Variants in ADGRB1 observed in about 807,000 individuals in gnomAD.
ADGRB1 encodes the protein adhesion G protein-coupled receptor B1.
ADGRB1 carries 36 observed loss-of-function variants against 175.7 expected under a neutral mutation model. The observed-to-expected ratio is 0.20, with a 90% confidence interval of 0.16 to 0.27. ADGRB1 has a LOEUF of 0.27. ADGRB1 is among the 10% of genes least tolerant of loss of function. The probability of loss-of-function intolerance (pLI) is 1.00; values close to 1 mark genes in which losing one functional copy is unlikely to be tolerated. For missense variants in ADGRB1, 1,731 were observed against 2,255.3 expected, an observed-to-expected ratio of 0.77 and a Z score of 4.71; for synonymous variants, 1,054 against 979.4, an observed-to-expected ratio of 1.08 and a Z score of -1.42.
chr8:142,542,135 G>C lies in ADGRB1; in HGVS notation c.3901G>C (p.Asp1301His). 2 of 1,613,212 alleles carry C rather than the reference G, an allele frequency of 1.2e-6. No homozygotes were observed. Among genetic ancestry groups the C allele is most frequent in the Non-Finnish European group, 8.5e-7 (1 of 1,179,712 alleles). Reference protein sequence around the residue: ...SPRYPGGPLPDFPNHSLTLKR... With the variant: ...SPRYPGGPLPHFPNHSLTLKR... ...CCGCTATCCCGGCGGGCCCCTGCCCGACTTCCCCAACCACTCACTGACCCT... is the reference window on the plus strand; with the variant it reads ...CCGCTATCCCGGCGGGCCCCTGCCCCACTTCCCCAACCACTCACTGACCCT... The change falls in exon 28 of 31, where the codon GAC (aspartate) becomes CAC (histidine). Residue 1301 changes from aspartate to histidine, a missense_variant. This residue lies in a region of ADGRB1 where 394 missense variants were observed against 410.2 expected (regional missense o/e 0.96). Coordinates refer to ENST00000517894, the MANE Select transcript of ADGRB1 (RefSeq NM_001702.3). The surrounding 1 kb of genome is among the most constrained non-coding windows in gnomAD (Gnocchi z 6.3).
intron 23 of ADGRB1, 25 bp from the exon 24 acceptor site, chr8:142,526,517 A>AAAGCCCCG: frequency 1.4e-6 from 1 of 732,992 alleles, no homozygotes; most frequent in Non-Finnish European, 2.1e-6. Flanking sequence ...CCACCCCCAC[A>AAAGCCCCG]CCCCCACCAC....
chr8:142,501,611 T>G lies in ADGRB1; in HGVS notation c.2676-9321T>G, dbSNP rs1210661518. Among the ~76,000 whole-genome samples, 11 of 138,442 alleles carry G rather than the reference T, an allele frequency of 7.9e-5. No individual in the cohort carries two copies. The East Asian group carries it at 1.5e-3, about 19-fold the overall frequency. The allele number at this position is 138,442 out of a possible 152,430, so 90.8% of individuals were successfully genotyped here. On this transcript the variant is annotated intron_variant, in intron 17 of 30. Coordinates refer to ENST00000517894, the MANE Select transcript of ADGRB1 (RefSeq NM_001702.3). ...ATGGTGGGGTGGTGGTAGTGATGAC[T>G]GTGTGGTTTTGACGATGGAGGTGGG...
At chr8:142,451,212 G>A (rs1839330885) in intron 1 of ADGRB1, among the ~76,000 whole-genome samples, 1 of 152,160 alleles carries the variant, frequency 6.6e-6, no homozygotes, top group African/African-American at 2.4e-5. Flanking sequence ...GCTTGACGGA[G>A]GCTGCGGCTC....
intron 25 of ADGRB1, 98 bp downstream of exon 25, chr8:142,533,564 G>A: frequency 7.2e-7 from 1 of 1,380,720 alleles, no homozygotes; most frequent in Admixed American, 2.2e-5. Context: ...GGAGATTGTG[G>A]GTAGGCGCAG....
intron 15 of ADGRB1, 87 bp downstream of exon 15, chr8:142,489,197 AG>A: frequency 6.5e-7 from 1 of 1,546,750 alleles, no homozygotes; most frequent in Non-Finnish European, 8.8e-7. Context: ...GGGGGAGGCC[AG>A]GGGGCCTGGA....
chr8:142,525,689 C>T (rs1222102972), intron 23 of ADGRB1, among the ~76,000 whole-genome samples: 1 of 152,178 alleles, frequency 6.6e-6, no homozygotes, highest in Non-Finnish European at 1.5e-5. Context: ...CGGTCTACCA[C>T]CCTGGTCTTC....
chr8:142,481,250 C>T lies in ADGRB1; in HGVS notation c.1829-4C>T, dbSNP rs369765825. The T allele has an allele frequency of 1.2e-4, 201 of 1,612,598 alleles. 1 individual carries two copies. In the African/African-American group the frequency reaches 2.5e-3, roughly 20 times the overall value. On this transcript the variant is annotated splice_region_variant and splice_polypyrimidine_tract_variant and intron_variant, in intron 9 of 30. Coordinates refer to ENST00000517894, the MANE Select transcript of ADGRB1 (RefSeq NM_001702.3). ...TCCACCTGAGAAGGGGATGGTCTCC[C>T]CAGGACTCATCCTGCGACGGTGTGA... is the stretch of plus-strand genomic sequence containing the variant.
At position 142,539,423 on chromosome 8, in the gene ADGRB1, C is replaced by G. The variant is rs377651719; in HGVS notation, c.3706+10C>G. On this transcript the variant is annotated intron_variant, in intron 27 of 30. Transcript: ENST00000517894. ...CTGGCCTGTAGATCAGGTGAGCGCC[C>G]GACAGGTGAGAGGACAGTGCCAGCC... 5.0e-6 allele frequency: 8 copies of G among 1,600,768 alleles called. No homozygotes were observed. The highest frequency in any genetic ancestry group is 6.8e-6 in the Non-Finnish European group (8 of 1,174,496).
In ADGRB1 at chr8:142,535,857, C is replaced by G. The variant is rs113249596; in HGVS notation, c.3571-1130C>G. 9.3e-4 allele frequency among the ~76,000 whole-genome samples: 141 copies of G among 152,290 alleles called. 1 individual carries two copies. Among genetic ancestry groups the G allele is most frequent in the African/African-American group, 2.5e-3 (104 of 41,558 alleles). On this transcript the variant is annotated intron_variant, in intron 25 of 30. Transcript: ENST00000517894. ...AGGGAGAGGATGGCAGGAAGGCACACCTGCTGTGGCGGCCTGGAGTCCTTA... is the reference window on the plus strand; with the variant it reads ...AGGGAGAGGATGGCAGGAAGGCACAGCTGCTGTGGCGGCCTGGAGTCCTTA...
chr8:142,478,000 G>T, intron 6 of ADGRB1, among the ~76,000 whole-genome samples, 187 bp from the exon 7 acceptor site: 1 of 148,888 alleles, frequency 6.7e-6, no homozygotes, highest in Non-Finnish European at 1.5e-5. Flanking sequence ...TTACTCACCC[G>T]TGTCCCAGCC....
At chr8:142,500,152 T>C (rs567007331) in intron 17 of ADGRB1, among the ~76,000 whole-genome samples, 9 of 151,922 alleles carry the variant, frequency 5.9e-5, no homozygotes, top group African/African-American at 1.9e-4. Flanking sequence ...CGGCGCTGCC[T>C]GGGATCGGGG....
intron 24 of ADGRB1, among the ~76,000 whole-genome samples, chr8:142,532,933 C>T (rs1449490907): frequency 6.6e-6 from 1 of 152,132 alleles, no homozygotes; most frequent in African/African-American, 2.4e-5. Flanking sequence ...TTCTCAGGAC[C>T]TCCCTCCTGA....
intron 13 of ADGRB1, among the ~76,000 whole-genome samples, chr8:142,487,757 T>C (rs116725407): frequency 2.0e-3 from 304 of 152,310 alleles, no homozygotes; most frequent in African/African-American, 6.9e-3. Context: ...CTCATCCCCA[T>C]GCCCATCCAC....
intron 24 of ADGRB1, among the ~76,000 whole-genome samples, chr8:142,531,272 G>A (rs1167088585): frequency 1.3e-5 from 2 of 152,246 alleles, no homozygotes; most frequent in Non-Finnish European, 1.5e-5. Flanking sequence ...CTCTGTGTCA[G>A]TGAGTGTTTC....
intron 1 of ADGRB1, among the ~76,000 whole-genome samples, chr8:142,458,380 G>T (rs1180581028): frequency 3.9e-5 from 6 of 152,164 alleles, no homozygotes; most frequent in Non-Finnish European, 8.8e-5. Flanking sequence ...GGAGGCGGGT[G>T]CAGTGCCTCT....
chr8:142,543,053 C>T lies in ADGRB1; in HGVS notation c.4414-350C>T, dbSNP rs1427684622. Among the ~76,000 whole-genome samples, 2 of 152,188 alleles carry T rather than the reference C, an allele frequency of 1.3e-5. No individual in the cohort carries two copies. Among genetic ancestry groups the T allele is most frequent in the Non-Finnish European group, 2.9e-5 (2 of 68,016 alleles). Reference sequence around the variant, plus strand: ...GAGCCCGTCCCCACAGGATATGCTCCCACCATATCCTGGCTCCTGGCCTCT... The same window carrying T: ...GAGCCCGTCCCCACAGGATATGCTCTCACCATATCCTGGCTCCTGGCCTCT... On this transcript the variant is annotated intron_variant, in intron 28 of 30. Transcript: ENST00000517894. The surrounding 1 kb of genome is among the most constrained non-coding windows in gnomAD (Gnocchi z 4.4).
chr8:142,500,869 G>A (rs1212753741), intron 17 of ADGRB1, among the ~76,000 whole-genome samples: 1 of 152,184 alleles, frequency 6.6e-6, no homozygotes, highest in Non-Finnish European at 1.5e-5. Context: ...TGCAGGGAGT[G>A]GGGTCAGCCT....
intron 1 of ADGRB1, among the ~76,000 whole-genome samples, chr8:142,458,659 C>T (rs968213285): frequency 1.3e-5 from 2 of 152,066 alleles, no homozygotes; most frequent in African/African-American, 2.4e-5. Flanking sequence ...ACCAGTGGCA[C>T]CCCCCGCCCT....
intron 18 of ADGRB1, among the ~76,000 whole-genome samples, chr8:142,515,310 C>A (rs555107265): frequency 5.3e-5 from 8 of 152,216 alleles, no homozygotes; most frequent in African/African-American, 2.4e-5. Context: ...GAGTTGAGGC[C>A]GGTCTTGGTC....
Sources: allele counts gnomAD v4.1 joint callset (sites outside exome capture counted in the v4.1 genomes callset), GRCh38; gene constraint gnomAD v4.1.1; regional missense constraint gnomAD v4.1.1; non-coding constraint Gnocchi (gnomAD v3.1); transcripts MANE v1.5; gene names NCBI Gene and HGNC (gene_info 2026-07-23, HGNC 2026-07-21).